The following LCORL variants were observed in gnomAD, a reference collection of about 807,000 sequenced individuals.
The protein encoded by LCORL is ligand dependent nuclear receptor corepressor like, also known as ligand-dependent nuclear receptor corepressor-like protein.
Under a neutral mutation model 141.8 loss-of-function variants are expected in LCORL, and 41 were observed. The ratio of observed to expected loss-of-function variants is 0.29; its 90% CI spans 0.23 to 0.38. LCORL has a LOEUF of 0.38. LCORL is among the 10% of genes least tolerant of loss of function. The pLI is 1.00. For synonymous variants in LCORL, 618 were observed against 694.1 expected (o/e 0.89, Z 1.72); for missense variants, 1,759 against 2,035.0 (o/e 0.86, Z 2.61).
Position 18,021,655 on chromosome 4 carries a change from T to C in LCORL, c.97A>G (p.Arg33Gly). 1 of 1,545,674 alleles carries C rather than the reference T, an allele frequency of 6.5e-7. No individual in the cohort carries two copies. Among genetic ancestry groups the C allele is most frequent in the Non-Finnish European group, 8.7e-7 (1 of 1,145,012 alleles). ...TCGAGTTCCCGCCGGAATCCTCTTCTCTCCGCCGCGCACCGAGGGCTCCGG... is the reference window on the plus strand; with the variant it reads ...TCGAGTTCCCGCCGGAATCCTCTTCCCTCCGCCGCGCACCGAGGGCTCCGG... The change falls in exon 1 of 8, where the codon AGA becomes GGA. Residue 33 changes from arginine to glycine, a missense_variant. Around this residue, in one of 5 missense-constraint regions of LCORL, gnomAD observed 86 missense variants for 61.8 expected, o/e 1.39. Coordinates refer to ENST00000635767, the Ensembl canonical transcript of LCORL. This position sits in a 1 kb window ranked among gnomAD's most constrained non-coding sequence, Gnocchi z 5.5.
intron 4 of LCORL, among the ~76,000 whole-genome samples, chr4:17,925,420 C>T (rs1734957444): frequency 6.6e-6 from 1 of 152,112 alleles, no homozygotes; most frequent in South Asian, 2.1e-4. Context: ...CCTTAGGTCA[C>T]TCCATCGGGT....
chr4:17,974,968 C>T (rs1451917848), intron 1 of LCORL, among the ~76,000 whole-genome samples: 3 of 152,028 alleles, frequency 2.0e-5, no homozygotes, highest in African/African-American at 7.2e-5. Flanking sequence ...TCTCCTTTTT[C>T]ACTGATTACT....
chr4:17,961,603 TAAGG>T (rs1052323430), intron 4 of LCORL, among the ~76,000 whole-genome samples: 3 of 151,840 alleles, frequency 2.0e-5, no homozygotes, highest in African/African-American at 7.3e-5. Flanking sequence ...AGCAATACAA[TAAGG>T]AAGACCAGAA....
Position 17,842,197 on chromosome 4 carries a change from G to A in LCORL, c.*3691C>T, listed in dbSNP as rs561678061. 2.7e-5 allele frequency: 22 copies of A among 822,766 alleles called. No homozygotes were observed. The East Asian group carries it at 5.7e-4, about 21-fold the overall frequency. The allele number at this position is 822,766 out of a possible 1,614,324, so 51.0% of individuals were successfully genotyped here. ...TGGCTAGAACAAGTAGGAGATACAT[G>A]TGTTGAAAGGATTGTTGTGTTGAAG... On this transcript the variant is annotated 3_prime_UTR_variant, in exon 8 of 8. Coordinates refer to ENST00000635767, the Ensembl canonical transcript of LCORL.
At chr4:17,932,289 C>T (rs1000637783) in intron 4 of LCORL, among the ~76,000 whole-genome samples, 6 of 152,092 alleles carry the variant, frequency 3.9e-5, no homozygotes, top group Non-Finnish European at 5.9e-5. Context: ...TTAGTGTCAG[C>T]TTACAGATTT....
At chr4:17,842,523 C>T (rs1722512109) in exon 8 of LCORL, 1 of 647,422 alleles carries the variant, frequency 1.5e-6, no homozygotes. Flanking sequence ...GGTATATAGT[C>T]TAAAATTCCA....
intron 1 of LCORL, among the ~76,000 whole-genome samples, chr4:18,000,791 T>C (rs902669449): frequency 3.3e-5 from 5 of 152,204 alleles, no homozygotes; most frequent in Non-Finnish European, 5.9e-5. Context: ...TGGATGGGGA[T>C]ATGAAGAGAC....
intron 4 of LCORL, among the ~76,000 whole-genome samples, chr4:17,940,690 T>C (rs961378859): frequency 6.6e-6 from 1 of 151,962 alleles, no homozygotes; most frequent in Non-Finnish European, 1.5e-5. Flanking sequence ...TTGTTGTCTA[T>C]GCTTACAGTT....
chr4:17,964,724 C>T lies in LCORL; in HGVS notation c.221-1675G>A, dbSNP rs180976704. Among the ~76,000 whole-genome samples, 563 of 152,244 alleles carry T rather than the reference C, an allele frequency of 3.7e-3. 9 individuals carry two copies. Among genetic ancestry groups the T allele is most frequent in the Non-Finnish European group, 3.2e-3 (219 of 68,008 alleles). Reference sequence around the variant, plus strand: ...GCTCATGTGAAGATGTTATTCCCCACTCACAGCCTGAAGTCCAGCTGAACC... The same window carrying T: ...GCTCATGTGAAGATGTTATTCCCCATTCACAGCCTGAAGTCCAGCTGAACC... On this transcript the variant is annotated intron_variant, in intron 2 of 7. Transcript: ENST00000635767.
At chr4:17,889,644 G>C (rs1403170212) in intron 5 of LCORL, among the ~76,000 whole-genome samples, 1 of 151,300 alleles carries the variant, frequency 6.6e-6, no homozygotes, top group Non-Finnish European at 1.5e-5. Context: ...GGCTGGAAAA[G>C]TCAAAAGAAG....
chr4:17,918,556 C>T (rs537634460), intron 4 of LCORL, among the ~76,000 whole-genome samples: 15 of 151,972 alleles, frequency 9.9e-5, no homozygotes, highest in African/African-American at 3.4e-4. Context: ...GAAAAGTATA[C>T]AAATTAAAAT....
rs1728009950 is a variant in LCORL, at chr4:17,884,375, A to G, written c.776+1693T>C. 2 of 1,547,570 alleles carry G rather than the reference A, an allele frequency of 1.3e-6. No individual in the cohort carries two copies. The highest frequency in any genetic ancestry group is 1.7e-6 in the Non-Finnish European group (2 of 1,145,616). On this transcript the variant is annotated intron_variant, in intron 6 of 7. Coordinates refer to ENST00000635767, the Ensembl canonical transcript of LCORL. The surrounding 1 kb of genome is among the most constrained non-coding windows in gnomAD (Gnocchi z 4.4). Reference sequence around the variant, plus strand: ...CTGAGTGACCATTTTCTGTAGAGTTAGCTGATGGAGGTAAGTGGAAGCTGT... The same window carrying G: ...CTGAGTGACCATTTTCTGTAGAGTTGGCTGATGGAGGTAAGTGGAAGCTGT...
intron 5 of LCORL, among the ~76,000 whole-genome samples, chr4:17,900,292 C>T (rs1328781822): frequency 6.6e-6 from 1 of 152,124 alleles, no homozygotes; most frequent in African/African-American, 2.4e-5. Context: ...ATTAAAAAAG[C>T]TTTGAACAAT....
At chr4:17,959,315 T>A (rs1284483396) in intron 4 of LCORL, among the ~76,000 whole-genome samples, 2 of 152,034 alleles carry the variant, frequency 1.3e-5, no homozygotes, top group Non-Finnish European at 2.9e-5. Context: ...GGGAAGTGTT[T>A]TCTACTTAGT....
At chr4:17,910,790 G>A (rs190223123) in intron 4 of LCORL, among the ~76,000 whole-genome samples, 6 of 152,176 alleles carry the variant, frequency 3.9e-5, no homozygotes, top group Non-Finnish European at 8.8e-5. Flanking sequence ...TGATCACAGG[G>A]TGCTATCTCA....
chr4:17,916,469 G>C (rs988241682), intron 4 of LCORL, among the ~76,000 whole-genome samples: 1 of 152,004 alleles, frequency 6.6e-6, no homozygotes, highest in Non-Finnish European at 1.5e-5. Flanking sequence ...TTGTTTAAAA[G>C]TCTGGGACCT....
chr4:17,913,278 C>T (rs1403278654), intron 4 of LCORL, among the ~76,000 whole-genome samples: 3 of 152,164 alleles, frequency 2.0e-5, no homozygotes, highest in Non-Finnish European at 4.4e-5. Context: ...GTGCCAAGAC[C>T]ATTGCGACCA....
chr4:17,999,191 A>AGCTGGGTGCGGTGGCTCAC (rs1553885417), intron 1 of LCORL, among the ~76,000 whole-genome samples: 8 of 150,536 alleles, frequency 5.3e-5, no homozygotes, highest in South Asian at 4.2e-4. Context: ...AGGATGTCTA[A>AGCTGGGTGCGGTGGCTCAC]GCCTGTAATC....
chr4:17,908,109 G>A (rs986372036), intron 5 of LCORL, among the ~76,000 whole-genome samples: 2 of 151,746 alleles, frequency 1.3e-5, no homozygotes, highest in East Asian at 1.9e-4. Flanking sequence ...CTCGGCTCAC[G>A]GCAACCTCTG....
Sources: gnomAD v4.1 joint callset for allele counts (sites outside exome capture counted in the v4.1 genomes callset) on GRCh38, gnomAD v4.1.1 for gene constraint, gnomAD v4.1.1 regional missense constraint, Gnocchi (gnomAD v3.1) non-coding constraint, MANE v1.5 for transcripts, NCBI Gene and HGNC (gene_info 2026-07-23, HGNC 2026-07-21) for gene names.